The following OPCML variants were observed in gnomAD, a reference collection of about 807,000 sequenced individuals.
OPCML encodes the protein opioid binding protein/cell adhesion molecule like.
In OPCML, 13 loss-of-function variants were observed where a neutral mutation model predicts 37.8. The observed-to-expected ratio is 0.34, with a 90% CI of 0.22 to 0.55. The LOEUF (loss-of-function observed/expected upper bound fraction) is 0.55, where lower values mean the gene tolerates loss of function less well. OPCML is among the 20% of genes least tolerant of loss of function. The pLI, the probability that OPCML is intolerant of heterozygous loss-of-function variation, is 0.91. For missense variants in OPCML, 341 were observed against 435.6 expected (o/e 0.78, Z 1.93); for synonymous variants, 176 against 168.8 (o/e 1.04, Z -0.33).
chr11:133,414,653 G>A (rs1385946322), intron 1 of OPCML, among the ~76,000 whole-genome samples: 1 of 152,126 alleles, frequency 6.6e-6, no homozygotes, highest in African/African-American at 2.4e-5. Flanking sequence ...TTGAGACGAA[G>A]CCAGTTCTCA....
At chr11:132,592,868 C>T (rs1220652380) in intron 3 of OPCML, among the ~76,000 whole-genome samples, 1 of 152,156 alleles carries the variant, frequency 6.6e-6, no homozygotes, top group Non-Finnish European at 1.5e-5. Context: ...AAAATAATTG[C>T]TCATTTATTC....
intron 1 of OPCML, among the ~76,000 whole-genome samples, chr11:133,104,209 G>C (rs151039792): frequency 1.3e-5 from 2 of 152,328 alleles, no homozygotes; most frequent in African/African-American, 4.8e-5. Context: ...AGGGAGAAAG[G>C]AGGGAAATTA....
At chr11:132,984,085 T>C (rs150717678) in intron 1 of OPCML, among the ~76,000 whole-genome samples, 87 of 152,270 alleles carry the variant, frequency 5.7e-4, no homozygotes, top group African/African-American at 2.0e-3. Context: ...AAGCATCTGC[T>C]TCCAATGGGC....
intron 1 of OPCML, among the ~76,000 whole-genome samples, chr11:133,157,119 G>T (rs1325532802): frequency 2.0e-5 from 3 of 151,924 alleles, no homozygotes; most frequent in Non-Finnish European, 2.9e-5. Context: ...AGAGGGAGCC[G>T]GCAATTTCTC....
At chr11:132,960,719 T>TA (rs1946074595) in intron 1 of OPCML, among the ~76,000 whole-genome samples, 1 of 152,192 alleles carries the variant, frequency 6.6e-6, no homozygotes, top group Non-Finnish European at 1.5e-5. Flanking sequence ...TCTGTCAAGA[T>TA]ATCCTGCTTT....
chr11:133,427,740 C>A (rs1460418040), intron 1 of OPCML, among the ~76,000 whole-genome samples: 1 of 151,624 alleles, frequency 6.6e-6, no homozygotes, highest in Non-Finnish European at 1.5e-5. Context: ...TGGTAGAACA[C>A]CGAAATACAC....
In OPCML at chr11:132,506,630, A is replaced by G. The variant is rs186279665; in HGVS notation, c.505+22431T>C. Among the ~76,000 whole-genome samples the G allele has an allele frequency of 3.9e-5, 6 of 152,298 alleles. No individual in the cohort carries two copies. The East Asian group carries it at 9.7e-4, about 25-fold the overall frequency. On this transcript the variant is annotated intron_variant, in intron 4 of 7. Transcript: ENST00000524381. ...GAGGCTGCCGCAATTCTTACCTCCC[A>G]TAGAGGAAGTGAGGAAACATTTACT...
chr11:133,400,287 C>T lies in OPCML; in HGVS notation c.61+131977G>A, dbSNP rs182349690. ...CCACAACTTTCCCTTAGCAATAAAT[C>T]GTGTCCACTTGATCCTGACCAACGG... On this transcript the variant is annotated intron_variant, in intron 1 of 7. Transcript: ENST00000524381. 1.5e-3 allele frequency among the ~76,000 whole-genome samples: 222 copies of T among 152,324 alleles called. 3 individuals carry two copies. Among genetic ancestry groups the T allele is most frequent in the African/African-American group, 4.9e-3 (204 of 41,570 alleles).
intron 1 of OPCML, among the ~76,000 whole-genome samples, chr11:133,525,346 G>A (rs1236693314): frequency 1.3e-5 from 2 of 152,134 alleles, no homozygotes; most frequent in Non-Finnish European, 1.5e-5. Context: ...AGGAAGGAGG[G>A]AACAGGCCTT....
At chr11:132,594,781 T>C (rs774349378) in intron 3 of OPCML, among the ~76,000 whole-genome samples, 4 of 152,164 alleles carry the variant, frequency 2.6e-5, no homozygotes, top group Non-Finnish European at 5.9e-5. Context: ...AAATAACAAA[T>C]GGTCTGATCT....
At chr11:132,481,033 TTAAA>T (rs1164260675) in intron 4 of OPCML, among the ~76,000 whole-genome samples, 1 of 152,112 alleles carries the variant, frequency 6.6e-6, no homozygotes, top group East Asian at 1.9e-4. Context: ...ATTATTAACT[TTAAA>T]TATTAACTTT....
intron 2 of OPCML, among the ~76,000 whole-genome samples, chr11:132,725,397 G>C (rs575950994): frequency 6.6e-6 from 1 of 152,254 alleles, no homozygotes; most frequent in Non-Finnish European, 1.5e-5. Context: ...AGCAGGGGGG[G>C]CCCTGGGCCT....
At chr11:133,432,302 G>C (rs1450283375) in intron 1 of OPCML, among the ~76,000 whole-genome samples, 1 of 152,144 alleles carries the variant, frequency 6.6e-6, no homozygotes, top group Non-Finnish European at 1.5e-5. Context: ...TTCTATTTTT[G>C]CTGTTCTAGA....
In OPCML at chr11:132,943,141, TCCCCCG is replaced by T; in HGVS notation, c.62-137_62-132del. On this transcript the variant is annotated intron_variant, in intron 1 of 7. Transcript: ENST00000524381. The surrounding 1 kb of genome is among the most constrained non-coding windows in gnomAD (Gnocchi z 4.3). ...GACTCCGGCAGCCGCACAGTCCTGG[TCCCCCG>T]CCCCGCGCACCAGCGGGCTCGGGAA... 2 of 1,604,876 alleles carry T rather than the reference TCCCCCG, an allele frequency of 1.2e-6. No individual in the cohort carries two copies. The highest frequency in any genetic ancestry group is 1.7e-6 in the Non-Finnish European group (2 of 1,172,920).
intron 3 of OPCML, among the ~76,000 whole-genome samples, chr11:132,622,887 T>C (rs1939506920): frequency 6.6e-6 from 1 of 152,136 alleles, no homozygotes; most frequent in South Asian, 2.1e-4. Context: ...GAAACCTGGG[T>C]TTGATATTTA....
chr11:132,987,853 T>G (rs1946708062), intron 1 of OPCML, among the ~76,000 whole-genome samples: 1 of 152,186 alleles, frequency 6.6e-6, no homozygotes, highest in African/African-American at 2.4e-5. Flanking sequence ...TGCTCAAATT[T>G]TCTTCTCATA....
At chr11:133,459,423 T>C (rs974995231) in intron 1 of OPCML, among the ~76,000 whole-genome samples, 1 of 152,016 alleles carries the variant, frequency 6.6e-6, no homozygotes, top group African/African-American at 2.4e-5. Context: ...TCAAAAGACA[T>C]GGATTGACAG....
chr11:133,472,802 G>GAC (rs1947147642), intron 1 of OPCML, among the ~76,000 whole-genome samples: 1 of 151,942 alleles, frequency 6.6e-6, no homozygotes, highest in African/African-American at 2.4e-5. Context: ...TCTATGAACA[G>GAC]ACCCTGCAGC....
chr11:132,996,033 C>A (rs4936178), intron 1 of OPCML, among the ~76,000 whole-genome samples: 28,535 of 152,074 alleles, frequency 0.19, 2,896 homozygotes, highest in Admixed American at 0.3. Context: ...CCATCCTCCC[C>A]CTGCCATCCA....
Sources: allele counts gnomAD v4.1 joint callset (sites outside exome capture counted in the v4.1 genomes callset), GRCh38; gene constraint gnomAD v4.1.1; non-coding constraint Gnocchi (gnomAD v3.1); transcripts MANE v1.5; gene names NCBI Gene and HGNC (gene_info 2026-07-23, HGNC 2026-07-21).